Variants in RXRA observed in about 807,000 individuals in gnomAD.
RXRA encodes retinoic acid receptor RXR-alpha.
RXRA carries 5 observed loss-of-function variants against 44.5 expected under a neutral mutation model. That is an observed-to-expected ratio of 0.11 (90% CI 0.06 to 0.24). The LOEUF (loss-of-function observed/expected upper bound fraction) is 0.24, where lower values mean the gene tolerates loss of function less well. Ranked by LOEUF, RXRA falls within the 10% of genes least tolerant of loss-of-function variation. The pLI is 1.00. For synonymous variants in RXRA, 291 were observed against 271.4 expected (o/e 1.07, Z -0.71); for missense variants, 412 against 646.5 (o/e 0.64, Z 3.93).
At chr9:134,338,739 C>T (rs1221647471) in intron 1 of RXRA, among the ~76,000 whole-genome samples, 2 of 152,228 alleles carry the variant, frequency 1.3e-5, no homozygotes, top group Non-Finnish European at 2.9e-5. Context: ...AGCCGGCACC[C>T]CAGCCTTGCC....
chr9:134,381,872 G>A (rs1588276571), intron 1 of RXRA, among the ~76,000 whole-genome samples: 1 of 152,142 alleles, frequency 6.6e-6, no homozygotes, highest in South Asian at 2.1e-4. Flanking sequence ...TTTGGTGTGT[G>A]GGGCCCACAG....
chr9:134,353,362 G>A (rs1178548589), intron 1 of RXRA, among the ~76,000 whole-genome samples: 1 of 152,202 alleles, frequency 6.6e-6, no homozygotes, highest in Admixed American at 6.5e-5. Context: ...TGGAGAGTGG[G>A]AAGGCAGGTG....
rs1190840805 is a variant in RXRA, at chr9:134,342,364, C to A, written c.28+15705C>A. Among the ~76,000 whole-genome samples the A allele has an allele frequency of 6.6e-6, 1 of 152,176 alleles. No homozygotes were observed. Among genetic ancestry groups the A allele is most frequent in the African/African-American group, 2.4e-5 (1 of 41,436 alleles). On this transcript the variant is annotated intron_variant, in intron 1 of 9. Transcript: ENST00000481739. The surrounding 1 kb of genome is among the most constrained non-coding windows in gnomAD (Gnocchi z 4.4). ...CCCTCATTTACAGAGGGGGCCTGGGCTCAGAGAGGCTGAGCCGATCTTCAA... is the reference window on the plus strand; with the variant it reads ...CCCTCATTTACAGAGGGGGCCTGGGATCAGAGAGGCTGAGCCGATCTTCAA...
At chr9:134,435,801 G>C (rs1299604305) in intron 9 of RXRA, among the ~76,000 whole-genome samples, 1 of 152,138 alleles carries the variant, frequency 6.6e-6, no homozygotes, top group Non-Finnish European at 1.5e-5. Flanking sequence ...GCAGTCTCTT[G>C]CTGTGATGGC....
At chr9:134,332,043 G>A (rs781949837) in intron 1 of RXRA, among the ~76,000 whole-genome samples, 1 of 152,230 alleles carries the variant, frequency 6.6e-6, no homozygotes, top group African/African-American at 2.4e-5. Context: ...CTGGGACTGG[G>A]CATCTTGGCC....
chr9:134,436,807 C>T lies in RXRA; in HGVS notation c.*193C>T. The T allele has an allele frequency of 1.5e-6, 1 of 652,830 alleles. No homozygotes were observed. The highest frequency in any genetic ancestry group is 2.5e-6 in the Non-Finnish European group (1 of 392,718). The allele number at this position is 652,830 out of a possible 1,614,324, so 40.4% of individuals were successfully genotyped here. A position where few individuals can be genotyped will look rare whatever the true frequency, so the allele number is the denominator to read the frequency against. On this transcript the variant is annotated 3_prime_UTR_variant, in exon 10 of 10. Transcript: ENST00000481739. ...TTTCTGTTACTACTTGTCTGTGGCC[C>T]AGGGCAGTGGCTTTCCTGAGGCAGC...
intron 1 of RXRA, among the ~76,000 whole-genome samples, chr9:134,337,462 G>T (rs1463135122): frequency 6.6e-6 from 1 of 152,190 alleles, no homozygotes; most frequent in East Asian, 1.9e-4. Context: ...CCACTTGATG[G>T]GATATGACCT....
At chr9:134,395,353 T>C (rs534134665) in intron 1 of RXRA, among the ~76,000 whole-genome samples, 1 of 152,132 alleles carries the variant, frequency 6.6e-6, no homozygotes, top group African/African-American at 2.4e-5. Context: ...TGGCCGGCCA[T>C]GGGGGGCTGA....
At position 134,426,313 on chromosome 9, in the gene RXRA, GC is replaced by G. The variant is rs1416274947; in HGVS notation, c.911-2794del. 1 of 985,344 alleles carries G rather than the reference GC, an allele frequency of 1.0e-6. No homozygotes were observed. The highest frequency in any genetic ancestry group is 1.2e-6 in the Non-Finnish European group (1 of 829,936). The allele number at this position is 985,344 out of a possible 1,614,324, so 61.0% of individuals were successfully genotyped here. ...GAGCCCTCCTTCCTGCAGCGATGGA[GC>G]ACTTAGGAAGGTGAAGACACCCCAA... On this transcript the variant is annotated intron_variant, in intron 6 of 9. Transcript: ENST00000481739. The surrounding 1 kb of genome is among the most constrained non-coding windows in gnomAD (Gnocchi z 4.6).
At chr9:134,332,798 ACT>A (rs1290493244) in intron 1 of RXRA, among the ~76,000 whole-genome samples, 10 of 151,618 alleles carry the variant, frequency 6.6e-5, no homozygotes, top group African/African-American at 1.9e-4. Flanking sequence ...GGAGGAAGTG[ACT>A]CTCTCCAGGT....
intron 4 of RXRA, among the ~76,000 whole-genome samples, chr9:134,411,643 GACCTCCTCCCCTTTGC>G (rs1831150224): frequency 6.6e-6 from 1 of 152,228 alleles, no homozygotes; most frequent in Admixed American, 6.5e-5. Context: ...GCTGTCAAGG[GACCTCCTCCCCTTTGC>G]CTCCAGCAGG....
At chr9:134,376,910 C>T (rs570628092) in intron 1 of RXRA, among the ~76,000 whole-genome samples, 1 of 152,208 alleles carries the variant, frequency 6.6e-6, no homozygotes, top group Non-Finnish European at 1.5e-5. Flanking sequence ...GAAGCATTTC[C>T]TTACCTGTGG....
intron 1 of RXRA, among the ~76,000 whole-genome samples, chr9:134,373,692 T>G (rs937633979): frequency 1.3e-5 from 2 of 152,020 alleles, no homozygotes; most frequent in African/African-American, 2.4e-5. Context: ...GGGAGGTGAG[T>G]GGCACCTCCC....
rs528351815 is a variant in RXRA, at chr9:134,417,569, G to T, written c.780+242G>T. 6.6e-6 allele frequency among the ~76,000 whole-genome samples: 1 copy of T among 151,948 alleles called. No individual in the cohort carries two copies. Among genetic ancestry groups the T allele is most frequent in the South Asian group, 2.1e-4 (1 of 4,824 alleles). On this transcript the variant is annotated intron_variant, in intron 5 of 9. Transcript: ENST00000481739. The surrounding 1 kb of genome is among the most constrained non-coding windows in gnomAD (Gnocchi z 6.1). ...CCATGGGGCAGGGGCCAGGGGCCAG[G>T]GGCCCGGGGCCTGGGGCCCTGCGGC... is the stretch of plus-strand genomic sequence containing the variant.
chr9:134,357,561 C>A (rs559425345), intron 1 of RXRA, among the ~76,000 whole-genome samples: 1 of 152,104 alleles, frequency 6.6e-6, no homozygotes, highest in South Asian at 2.1e-4. Context: ...GGGTGGGAGA[C>A]CCCCAGACCT....
intron 1 of RXRA, among the ~76,000 whole-genome samples, chr9:134,392,366 G>A (rs964238655): frequency 1.3e-5 from 2 of 152,100 alleles, no homozygotes; most frequent in African/African-American, 4.8e-5. Context: ...CTTACCGAGT[G>A]TCTCCGGCCT....
At chr9:134,390,835 G>A (rs753187711) in intron 1 of RXRA, among the ~76,000 whole-genome samples, 4 of 152,198 alleles carry the variant, frequency 2.6e-5, no homozygotes, top group Non-Finnish European at 4.4e-5. Context: ...ACAGGCATCC[G>A]GCTCAGGTGC....
intron 1 of RXRA, among the ~76,000 whole-genome samples, chr9:134,399,486 C>A (rs964004791): frequency 6.6e-6 from 1 of 152,198 alleles, no homozygotes; most frequent in Non-Finnish European, 1.5e-5. Flanking sequence ...TTTGTCTTGT[C>A]AGCTCCTAGC....
rs546466151 is a variant in RXRA, at chr9:134,383,555, G to A, written c.29-18077G>A. Among the ~76,000 whole-genome samples, 15 of 152,270 alleles carry A rather than the reference G, an allele frequency of 9.9e-5. 1 individual carries two copies. In the South Asian group the frequency reaches 2.1e-3, roughly 21 times the overall value. On this transcript the variant is annotated intron_variant, in intron 1 of 9. Transcript: ENST00000481739. Reference sequence around the variant, plus strand: ...GAGGCTTGTTGGGCATAAATGAAGCGCATTGATGGGGTGAGGGCCGGAAGA... The same window carrying A: ...GAGGCTTGTTGGGCATAAATGAAGCACATTGATGGGGTGAGGGCCGGAAGA...
Sources: gnomAD v4.1 joint callset for allele counts (sites outside exome capture counted in the v4.1 genomes callset) on GRCh38, gnomAD v4.1.1 for gene constraint, Gnocchi (gnomAD v3.1) non-coding constraint, MANE v1.5 for transcripts, NCBI Gene and HGNC (gene_info 2026-07-23, HGNC 2026-07-21) for gene names.